RIN3: variants seen among roughly 807,000 people sequenced by gnomAD.
RIN3 encodes Ras and Rab interactor 3.
In RIN3, 54 loss-of-function variants were observed where a neutral mutation model predicts 76.3. The ratio of observed to expected loss-of-function variants is 0.71; its 90% confidence interval spans 0.57 to 0.89. The LOEUF (loss-of-function observed/expected upper bound fraction) is 0.89, where lower values mean the gene tolerates loss of function less well. Among genes scored for constraint, RIN3 ranks in the 40% least tolerant of loss-of-function variants. The probability of loss-of-function intolerance (pLI) is 0.00; values close to 1 mark genes in which losing one functional copy is unlikely to be tolerated. For missense variants in RIN3, 1,256 were observed against 1,322.1 expected (o/e 0.95, Z 0.78); for synonymous variants, 576 against 564.0 (o/e 1.02, Z -0.30).
intron 3 of RIN3, among the ~76,000 whole-genome samples, chr14:92,613,189 C>A (rs1885813871): frequency 6.6e-6 from 1 of 152,198 alleles, no homozygotes; most frequent in African/African-American, 2.4e-5. Flanking sequence ...TCTGTCTCCC[C>A]TCTCTGCTGC....
intron 1 of RIN3, among the ~76,000 whole-genome samples, chr14:92,550,525 A>G (rs1015469871): frequency 7.2e-5 from 11 of 151,986 alleles, no homozygotes; most frequent in Non-Finnish European, 1.6e-4. Flanking sequence ...CAATCCTCCT[A>G]CCTTAGCCTC....
intron 5 of RIN3, among the ~76,000 whole-genome samples, chr14:92,646,828 T>G (rs972953054): frequency 1.3e-5 from 2 of 152,192 alleles, no homozygotes; most frequent in African/African-American, 4.8e-5. Context: ...GTTCAGGGTG[T>G]GTTTCCTTCC....
intron 4 of RIN3, among the ~76,000 whole-genome samples, chr14:92,630,925 C>T (rs1251288243): frequency 1.3e-5 from 2 of 152,182 alleles, no homozygotes; most frequent in African/African-American, 4.8e-5. Flanking sequence ...GGATGTTAGC[C>T]AAGATGGAAC....
At chr14:92,617,172 C>T (rs906431566) in intron 4 of RIN3, among the ~76,000 whole-genome samples, 2 of 151,692 alleles carry the variant, frequency 1.3e-5, no homozygotes, top group Non-Finnish European at 2.9e-5. Flanking sequence ...TAGTGGCGGG[C>T]GCCTGTAATC....
intron 4 of RIN3, among the ~76,000 whole-genome samples, chr14:92,627,772 C>G (rs1280863836): frequency 6.6e-6 from 1 of 152,220 alleles, no homozygotes; most frequent in Non-Finnish European, 1.5e-5. Context: ...CCAGAGACCC[C>G]TTCCCCAGAG....
intron 7 of RIN3, 177 bp downstream of exon 7, chr14:92,659,646 C>T: frequency 1.8e-6 from 1 of 543,960 alleles, no homozygotes; most frequent in Non-Finnish European, 3.1e-6. Context: ...TTGGAGTTAC[C>T]TGGGGACTGG....
chr14:92,525,057 G>A (rs547201181), intron 1 of RIN3, among the ~76,000 whole-genome samples: 77 of 152,350 alleles, frequency 5.1e-4, no homozygotes, highest in African/African-American at 9.1e-4. Flanking sequence ...TACTGCTCAC[G>A]TGTTCCTGGC....
Position 92,665,897 on chromosome 14 carries a change from C to T in RIN3, c.2335+6428C>T, listed in dbSNP as rs993449747. Among the ~76,000 whole-genome samples the T allele has an allele frequency of 2.6e-5, 4 of 152,166 alleles. No individual in the cohort carries two copies. The East Asian group carries it at 7.7e-4, about 29-fold the overall frequency. ...AGGTCCCAGCATTCAATCATACCTT[C>T]CCCTGGCAGGTGATCCGGGCAGCTG... On this transcript the variant is annotated intron_variant, in intron 7 of 9. Transcript: ENST00000216487.
At chr14:92,558,974 C>T (rs557744581) in intron 2 of RIN3, among the ~76,000 whole-genome samples, 3 of 145,110 alleles carry the variant, frequency 2.1e-5, no homozygotes, top group East Asian at 4.1e-4. Flanking sequence ...TCAAGCGATT[C>T]TCCTGCCTCA....
chr14:92,671,986 G>A (rs1378990455), intron 7 of RIN3, among the ~76,000 whole-genome samples: 1 of 152,212 alleles, frequency 6.6e-6, no homozygotes, highest in Non-Finnish European at 1.5e-5. Flanking sequence ...TGGTGCCAGT[G>A]TTATACTGCA....
Position 92,685,523 on chromosome 14 carries a change from A to G in RIN3, c.2631+373A>G, listed in dbSNP as rs1330600825. ...TTAAGGAGCCCACAGGCTCATCTAC[A>G]GCCTTGCTCCTTAGTCCCTGGACAA... On this transcript the variant is annotated intron_variant, in intron 9 of 9. Transcript: ENST00000216487. The surrounding 1 kb of genome is among the most constrained non-coding windows in gnomAD (Gnocchi z 4.7). 4.8e-6 allele frequency: 1 copy of G among 209,954 alleles called. No homozygotes were observed. The highest frequency in any genetic ancestry group is 9.8e-6 in the Non-Finnish European group (1 of 102,272). The allele number at this position is 209,954 out of a possible 1,614,324, so 13.0% of individuals were successfully genotyped here. A position where few individuals can be genotyped will look rare whatever the true frequency, so the allele number is the denominator to read the frequency against.
Position 92,580,054 on chromosome 14 carries a change from C to T in RIN3, c.367+2577C>T, listed in dbSNP as rs1035792218. Among the ~76,000 whole-genome samples, 11 of 152,328 alleles carry T rather than the reference C, an allele frequency of 7.2e-5. No individual in the cohort carries two copies. In the East Asian group the frequency reaches 7.7e-4, roughly 11 times the overall value. ...CTTTCCTGCTATAAGGAGGTCTTTCCGCAGAGACCCAGAGCCCCACAGAAT... is the reference window on the plus strand; with the variant it reads ...CTTTCCTGCTATAAGGAGGTCTTTCTGCAGAGACCCAGAGCCCCACAGAAT... On this transcript the variant is annotated intron_variant, in intron 3 of 9. Transcript: ENST00000216487.
intron 4 of RIN3, among the ~76,000 whole-genome samples, chr14:92,629,146 AGAGAGAGATT>A (rs757773866): frequency 0.011 from 1,462 of 135,514 alleles, 9 homozygotes; most frequent in African/African-American, 0.025. Flanking sequence ...AGAGAGAGAG[AGAGAGAGATT>A]GATTGATTGA....
intron 8 of RIN3, among the ~76,000 whole-genome samples, chr14:92,679,871 G>C (rs903646930): frequency 1.3e-5 from 2 of 152,218 alleles, no homozygotes; most frequent in African/African-American, 4.8e-5. Flanking sequence ...CCTCTGACTG[G>C]CTGGAAACCC....
At chr14:92,615,262 G>T (rs1885909970) in intron 3 of RIN3, 145 bp from the exon 4 acceptor site, 2 of 681,952 alleles carry the variant, frequency 2.9e-6, no homozygotes, top group Admixed American at 4.4e-5. Flanking sequence ...GGCAGCTGAT[G>T]TGTATGGGGG....
intron 4 of RIN3, among the ~76,000 whole-genome samples, chr14:92,637,908 G>A (rs1362640636): frequency 1.7e-4 from 26 of 152,134 alleles, no homozygotes; most frequent in Non-Finnish European, 1.8e-4. Context: ...GGGGTCTTGG[G>A]TGAGTCCCTT....
At chr14:92,585,070 A>G (rs1884720185) in intron 3 of RIN3, among the ~76,000 whole-genome samples, 1 of 152,088 alleles carries the variant, frequency 6.6e-6, no homozygotes, top group Non-Finnish European at 1.5e-5. Flanking sequence ...GCGGTGGCGC[A>G]ATCATAGCTC....
chr14:92,576,704 C>G (rs780853498), intron 2 of RIN3, among the ~76,000 whole-genome samples: 1 of 152,178 alleles, frequency 6.6e-6, no homozygotes, highest in Non-Finnish European at 1.5e-5. Context: ...GAGAGTACCT[C>G]AGTTCCTTCA....
chr14:92,688,306 T>C lies in RIN3; in HGVS notation c.*54T>C. On this transcript the variant is annotated 3_prime_UTR_variant, in exon 10 of 10. Coordinates refer to ENST00000216487, the MANE Select transcript of RIN3 (RefSeq NM_024832.5). ...CCAGGCGCACGTCTGGCCCCGCCTC[T>C]GGCTGCGCACTCCCGACCGCGACGT... 1.4e-6 allele frequency: 2 copies of C among 1,454,532 alleles called. 1 individual carries two copies. The highest frequency in any genetic ancestry group is 3.8e-4 in the Middle Eastern group (2 of 5,206). 90.1% of individuals were successfully genotyped at this position (1,454,532 alleles called of 1,614,324 possible).
Sources: allele counts gnomAD v4.1 joint callset (sites outside exome capture counted in the v4.1 genomes callset), GRCh38; gene constraint gnomAD v4.1.1; non-coding constraint Gnocchi (gnomAD v3.1); transcripts MANE v1.5; gene names NCBI Gene and HGNC (gene_info 2026-07-23, HGNC 2026-07-21).